HYDIN: variants seen among roughly 807,000 people sequenced by gnomAD.
HYDIN encodes axonemal central pair apparatus protein HYDIN.
HYDIN carries 132 observed loss-of-function variants against 403.9 expected under a neutral mutation model. That is an observed-to-expected ratio of 0.33 (90% CI 0.28 to 0.38). The LOEUF is 0.38. Among genes scored for constraint, HYDIN ranks in the 10% least tolerant of loss-of-function variants. The pLI is 1.00. For missense variants in HYDIN, 2,827 were observed against 5,009.5 expected (o/e 0.56, Z 13.15); for synonymous variants, 1,202 against 1,891.7 (o/e 0.64, Z 9.46).
chr16:71,107,618 T>C (rs570014510), intron 10 of HYDIN, among the ~76,000 whole-genome samples: 46 of 152,146 alleles, frequency 3.0e-4, no homozygotes, highest in Non-Finnish European at 5.6e-4. Context: ...AAAACCACAA[T>C]GAGATATCAT....
At chr16:71,216,655 T>C (rs2088897424) in intron 1 of HYDIN, among the ~76,000 whole-genome samples, 1 of 152,210 alleles carries the variant, frequency 6.6e-6, no homozygotes. Flanking sequence ...ACAACTAAAA[T>C]TCTAAGGAGA....
At chr16:71,017,401 T>C (rs1303518546) in intron 23 of HYDIN, among the ~76,000 whole-genome samples, 1 of 151,486 alleles carries the variant, frequency 6.6e-6, no homozygotes, top group Non-Finnish European at 1.5e-5. Flanking sequence ...ACTTGCTGTC[T>C]CTCCTGCTAT....
chr16:71,064,830 G>C lies in HYDIN; in HGVS notation c.2086C>G (p.Pro696Ala). The C allele has an allele frequency of 6.2e-7, 1 of 1,609,864 alleles. No individual in the cohort carries two copies. The highest frequency in any genetic ancestry group is 1.7e-5 in the Admixed American group (1 of 59,000). Residue 696 changes from proline (P) to alanine (A), a missense_variant, in exon 16 of 86, where the codon CCT (proline) becomes GCT (alanine). Transcript: ENST00000393567. ...TCTGTATTGACCAGGTGGAGGGCAG[G>C]TACAACACACCTGCTCGGAGGAGCC... ...ALLITARCVVPALHLVNTEVD... is the reference protein window; with the variant it reads ...ALLITARCVVAALHLVNTEVD...
At chr16:71,218,797 C>CA (rs2144752228) in intron 1 of HYDIN, among the ~76,000 whole-genome samples, 1 of 152,254 alleles carries the variant, frequency 6.6e-6, no homozygotes, top group East Asian at 1.9e-4. Context: ...TTCCCTCTAG[C>CA]AGCAAAAGGA....
intron 18 of HYDIN, among the ~76,000 whole-genome samples, chr16:71,057,654 A>G (rs927163656): frequency 1.6e-4 from 25 of 152,074 alleles, no homozygotes; most frequent in Admixed American, 1.5e-3. Context: ...TTATTGAATT[A>G]GAAATTCCTA....
At chr16:70,914,479 T>C (rs1192584074) in intron 47 of HYDIN, among the ~76,000 whole-genome samples, 2 of 148,466 alleles carry the variant, frequency 1.3e-5, no homozygotes, top group Non-Finnish European at 3.0e-5. Context: ...ATCCCTTCTA[T>C]CTTGTAGGGT....
chr16:71,073,380 C>T (rs1340154445), intron 13 of HYDIN, among the ~76,000 whole-genome samples: 6 of 152,194 alleles, frequency 3.9e-5, no homozygotes, highest in Non-Finnish European at 8.8e-5. Context: ...TCTGCCAACC[C>T]TTCTAAGATC....
At chr16:71,113,416 G>T (rs2083902522) in intron 10 of HYDIN, 1 of 151,918 alleles carries the variant, frequency 6.6e-6, no homozygotes, top group African/African-American at 2.4e-5. Context: ...TTAAAATGCA[G>T]AAAGGTTTCC....
intron 42 of HYDIN, 101 bp downstream of exon 42, chr16:70,943,711 A>G (rs2077752424): frequency 6.8e-7 from 1 of 1,462,322 alleles, no homozygotes; most frequent in East Asian, 2.4e-5. Context: ...CGGGCTGCCG[A>G]GCTGCCGTGG....
intron 5 of HYDIN, among the ~76,000 whole-genome samples, chr16:71,171,127 T>G (rs2086445020): frequency 6.6e-6 from 1 of 152,226 alleles, no homozygotes; most frequent in African/African-American, 2.4e-5. Context: ...CCAGCCCCAC[T>G]GGCCTTCTCG....
rs538118936 is a variant in HYDIN at position 71,227,635 on chromosome 16, G to C, written c.-24+2927C>G. ...ATGTGAAGGAACTCTTCAAGGAGAA[G>C]TACAAACCACTGCTCAACGAAATAA... On this transcript the variant is annotated intron_variant, in intron 1 of 85. Transcript: ENST00000393567. Among the ~76,000 whole-genome samples, 526 of 152,260 alleles carry C rather than the reference G, an allele frequency of 3.5e-3. 2 individuals carry two copies. The highest frequency in any genetic ancestry group is 6.3e-3 in the Non-Finnish European group (429 of 68,008).
chr16:71,049,944 G>A (rs1386255282), intron 18 of HYDIN, among the ~76,000 whole-genome samples: 2 of 145,430 alleles, frequency 1.4e-5, no homozygotes, highest in African/African-American at 5.1e-5. Flanking sequence ...AAATATATAT[G>A]AGAAGTAAAA....
At chr16:71,070,271 C>CTCCT (rs146740657) in intron 13 of HYDIN, among the ~76,000 whole-genome samples, 83 of 147,302 alleles carry the variant, frequency 5.6e-4, no homozygotes, top group East Asian at 1.6e-3. Flanking sequence ...TTCTTTCTCT[C>CTCCT]TCCTTCCTTC....
At chr16:71,050,114 T>C (rs1050396399) in intron 18 of HYDIN, among the ~76,000 whole-genome samples, 1 of 145,776 alleles carries the variant, frequency 6.9e-6, no homozygotes, top group Non-Finnish European at 1.5e-5. Context: ...TTTGAAGAGA[T>C]AATGGCTGAG....
intron 12 of HYDIN, among the ~76,000 whole-genome samples, chr16:71,082,188 A>G (rs568973591): frequency 2.6e-5 from 4 of 152,148 alleles, no homozygotes; most frequent in Non-Finnish European, 4.4e-5. Flanking sequence ...TATTTCTGAC[A>G]AAGTAAAATA....
At chr16:71,078,984 C>A (rs1270705970) in intron 13 of HYDIN, among the ~76,000 whole-genome samples, 1 of 152,202 alleles carries the variant, frequency 6.6e-6, no homozygotes, top group Non-Finnish European at 1.5e-5. Context: ...GGCCACACCA[C>A]TAAGTACTCA....
intron 5 of HYDIN, among the ~76,000 whole-genome samples, chr16:71,171,118 C>T (rs1276572761): frequency 1.2e-4 from 18 of 152,198 alleles, no homozygotes; most frequent in Admixed American, 1.2e-3. Flanking sequence ...TCCTCTGCTC[C>T]AGCCCCACTG....
chr16:71,085,560 C>CA (rs2082908135), intron 12 of HYDIN, among the ~76,000 whole-genome samples: 1 of 151,990 alleles, frequency 6.6e-6, no homozygotes, highest in Admixed American at 6.6e-5. Flanking sequence ...GGGGTATTGA[C>CA]ATCCCCTACT....
chr16:70,994,173 G>A (rs1396783918), intron 23 of HYDIN, among the ~76,000 whole-genome samples: 2 of 152,064 alleles, frequency 1.3e-5, no homozygotes, highest in East Asian at 1.9e-4. Flanking sequence ...GAGGATCCAC[G>A]GTGTCCCCTC....
Sources: allele counts gnomAD v4.1 joint callset (sites outside exome capture counted in the v4.1 genomes callset), GRCh38; gene constraint gnomAD v4.1.1; transcripts MANE v1.5; gene names NCBI Gene and HGNC (gene_info 2026-07-23, HGNC 2026-07-21).